Variants in RGS3 observed in about 807,000 individuals in gnomAD.
RGS3 encodes the protein regulator of G protein signaling 3.
Under a neutral mutation model 132.6 loss-of-function variants are expected in RGS3, and 80 were observed. That is an observed-to-expected ratio of 0.60 (90% CI 0.50 to 0.73). The LOEUF is 0.73. Ranked by LOEUF, RGS3 falls within the 30% of genes least tolerant of loss-of-function variation. The pLI is 0.00. For missense variants in RGS3, 1,382 were observed against 1,530.8 expected, an observed-to-expected ratio of 0.90 and a Z score of 1.62; for synonymous variants, 598 against 620.6, an observed-to-expected ratio of 0.96 and a Z score of 0.54.
rs1829528538 is a variant in RGS3, at chr9:113,463,656, A to G, written c.415+1455A>G. The G allele has an allele frequency of 3.7e-6, 5 of 1,339,526 alleles. No individual in the cohort carries two copies. The highest frequency in any genetic ancestry group is 2.9e-6 in the Non-Finnish European group (3 of 1,043,952). 83.0% of individuals were successfully genotyped at this position (1,339,526 alleles called of 1,614,324 possible). A position where few individuals can be genotyped will look rare whatever the true frequency, so the allele number is the denominator to read the frequency against. On this transcript the variant is annotated intron_variant, in intron 3 of 24. Transcript: ENST00000350696. The surrounding 1 kb of genome is among the most constrained non-coding windows in gnomAD (Gnocchi z 4.6). ...CCATTCAAACCCGCGCGGGCCAATC[A>G]GGGCCGGGCGCGCCCTGGCCGTTCC...
chr9:113,459,724 G>A (rs866094743), upstream of RGS3, among the ~76,000 whole-genome samples: 2 of 151,490 alleles, frequency 1.3e-5, no homozygotes, highest in African/African-American at 2.4e-5. Context: ...GTGACAGAGC[G>A]AGATTCTGTT....
At chr9:113,481,697 C>A (rs1348930428) in intron 4 of RGS3, among the ~76,000 whole-genome samples, 1 of 152,206 alleles carries the variant, frequency 6.6e-6, no homozygotes, top group Non-Finnish European at 1.5e-5. Flanking sequence ...TTTCCCAGGC[C>A]TTGCACCTCA....
Position 113,565,316 on chromosome 9 carries a change from A to G in RGS3, c.2038-18134A>G, listed in dbSNP as rs1833945171. 1 of 1,289,628 alleles carries G rather than the reference A, an allele frequency of 7.8e-7. No homozygotes were observed. The highest frequency in any genetic ancestry group is 1.5e-5 in the African/African-American group (1 of 65,832). 79.9% of individuals were successfully genotyped at this position (1,289,628 alleles called of 1,614,324 possible). A position where few individuals can be genotyped will look rare whatever the true frequency, so the allele number is the denominator to read the frequency against. ...CAGAGTTTTCTGTTTAATGGAAGAA[A>G]GAAATCCAGCCTCTCTCCAGAGTGG... On this transcript the variant is annotated intron_variant, in intron 19 of 24. Coordinates refer to ENST00000350696, the Ensembl canonical transcript of RGS3. This position sits in a 1 kb window ranked among gnomAD's most constrained non-coding sequence, Gnocchi z 5.7.
At chr9:113,508,201 A>G (rs555379677) in intron 13 of RGS3, among the ~76,000 whole-genome samples, 32 of 152,258 alleles carry the variant, frequency 2.1e-4, no homozygotes, top group Non-Finnish European at 4.0e-4. Flanking sequence ...GCATTTCCCA[A>G]ACTTGCCTAA....
At chr9:113,542,560 A>G (rs1487658361) in intron 19 of RGS3, among the ~76,000 whole-genome samples, 3 of 152,084 alleles carry the variant, frequency 2.0e-5, no homozygotes, top group Non-Finnish European at 4.4e-5. Context: ...TGGAGAAGAG[A>G]TGACTCCCTG....
At chr9:113,499,293 G>T (rs1413622215) in intron 10 of RGS3, among the ~76,000 whole-genome samples, 2 of 151,642 alleles carry the variant, frequency 1.3e-5, no homozygotes, top group African/African-American at 2.4e-5. Context: ...TATACCAGGT[G>T]CTGTTACCTA....
At chr9:113,457,907 G>A (rs1008775935), upstream of RGS3, among the ~76,000 whole-genome samples, 4 of 152,152 alleles carry the variant, frequency 2.6e-5, no homozygotes, top group African/African-American at 9.6e-5. Flanking sequence ...GGAAAAAAAT[G>A]AAGATTTGTC....
rs1454704433 is a variant in RGS3 at position 113,463,824 on chromosome 9, G to A, written c.415+1623G>A. ...CGCCATGGAGCGCTCCCTGCACCGC[G>A]TCTCCCTCGGGAGCCGGCGTGCCCA... On this transcript the variant is annotated intron_variant, in intron 3 of 24. Coordinates refer to ENST00000350696, the Ensembl canonical transcript of RGS3. This position sits in a 1 kb window ranked among gnomAD's most constrained non-coding sequence, Gnocchi z 4.6. 2 of 1,612,658 alleles carry A rather than the reference G, an allele frequency of 1.2e-6. No individual in the cohort carries two copies. The highest frequency in any genetic ancestry group is 1.7e-6 in the Non-Finnish European group (2 of 1,179,738).
chr9:113,568,484 G>T (rs1038743524), intron 19 of RGS3, among the ~76,000 whole-genome samples: 6 of 152,184 alleles, frequency 3.9e-5, no homozygotes, highest in Admixed American at 2.0e-4. Flanking sequence ...GTACTGCCAG[G>T]TGCCTTCCAA....
chr9:113,502,618 CAGAG>C lies in RGS3; in HGVS notation c.898-2819_898-2816del, dbSNP rs1294348526. Among the ~76,000 whole-genome samples the C allele has an allele frequency of 3.9e-5, 6 of 152,202 alleles. No homozygotes were observed. In the South Asian group the frequency reaches 6.2e-4, roughly 16 times the overall value. ...GCGTCTGGATGGCAGAGTGGTGAGACAGAGAGAGCACTGGTTGGGACATCTAGTA... is the reference window on the plus strand; with the variant it reads ...GCGTCTGGATGGCAGAGTGGTGAGACAGAGCACTGGTTGGGACATCTAGTA... On this transcript the variant is annotated intron_variant, in intron 10 of 24. Coordinates refer to ENST00000350696, the Ensembl canonical transcript of RGS3.
rs1275206830 is a variant in RGS3, at chr9:113,507,907, G to A, written c.1437+269G>A. On this transcript the variant is annotated intron_variant, in intron 13 of 24. Coordinates refer to ENST00000350696, the Ensembl canonical transcript of RGS3. The surrounding 1 kb of genome is among the most constrained non-coding windows in gnomAD (Gnocchi z 5.0). ...TCACAGAAGGAAGAGCTTTCTACTA[G>A]CCTGTGCTTTTCCCCAGTGGAATGG... Among the ~76,000 whole-genome samples, 1 of 152,204 alleles carries A rather than the reference G, an allele frequency of 6.6e-6. No individual in the cohort carries two copies. The highest frequency in any genetic ancestry group is 1.5e-5 in the Non-Finnish European group (1 of 68,026).
intron 3 of RGS3, among the ~76,000 whole-genome samples, chr9:113,466,641 C>T (rs1829654786): frequency 6.6e-6 from 1 of 152,002 alleles, no homozygotes; most frequent in African/African-American, 2.4e-5. Context: ...AATTTGAAGT[C>T]ATTGTAGGTA....
chr9:113,459,422 T>C (rs1284260433), upstream of RGS3, among the ~76,000 whole-genome samples: 3 of 152,192 alleles, frequency 2.0e-5, no homozygotes, highest in Admixed American at 6.5e-5. Context: ...GATTTTCAAA[T>C]TTATACAATA....
intron 19 of RGS3, among the ~76,000 whole-genome samples, chr9:113,553,458 AAATATATATATAT>A (rs1357263616): frequency 3.0e-4 from 29 of 95,462 alleles, no homozygotes; most frequent in African/African-American, 8.6e-4. Flanking sequence ...AAAAAAAAAA[AAATATATATATAT>A]ATATATATAT....
At chr9:113,547,789 T>C (rs1205334046) in intron 19 of RGS3, among the ~76,000 whole-genome samples, 1 of 152,252 alleles carries the variant, frequency 6.6e-6, no homozygotes, top group Non-Finnish European at 1.5e-5. Context: ...GGCTTTTTCA[T>C]CACCTTTAGT....
At chr9:113,575,206 G>A (rs1588274964) in intron 19 of RGS3, among the ~76,000 whole-genome samples, 1 of 152,208 alleles carries the variant, frequency 6.6e-6, no homozygotes, top group East Asian at 1.9e-4. Flanking sequence ...GCTTGGTCAG[G>A]CGATAGCCAA....
intron 19 of RGS3, among the ~76,000 whole-genome samples, chr9:113,546,085 T>C (rs1833101252): frequency 6.6e-6 from 1 of 152,226 alleles, no homozygotes; most frequent in Non-Finnish European, 1.5e-5. Flanking sequence ...AGAGTAAAGC[T>C]TGGCTTTCCA....
intron 19 of RGS3, chr9:113,581,204 G>A (rs1195936718): frequency 6.2e-6 from 1 of 160,922 alleles, no homozygotes; most frequent in Non-Finnish European, 1.3e-5. Context: ...AGAAGAACAG[G>A]GCCAGAAGGC....
chr9:113,481,940 G>T (rs1270551957), intron 4 of RGS3, among the ~76,000 whole-genome samples: 1 of 152,024 alleles, frequency 6.6e-6, no homozygotes, highest in Non-Finnish European at 1.5e-5. Flanking sequence ...CCGCTACTTG[G>T]CAGGCTGAGG....
Sources: allele counts gnomAD v4.1 joint callset (sites outside exome capture counted in the v4.1 genomes callset), GRCh38; gene constraint gnomAD v4.1.1; non-coding constraint Gnocchi (gnomAD v3.1); transcripts MANE v1.5; gene names NCBI Gene and HGNC (gene_info 2026-07-23, HGNC 2026-07-21).